MRTFA: variants seen among roughly 807,000 people sequenced by gnomAD.
MRTFA encodes the protein myocardin-related transcription factor A.
A neutral mutation model predicts 83.5 loss-of-function variants in MRTFA; 20 were observed. The ratio of observed to expected loss-of-function variants is 0.24; its 90% CI spans 0.17 to 0.35. The LOEUF is 0.35. Ranked by LOEUF, MRTFA falls within the 10% of genes least tolerant of loss-of-function variation. MRTFA has a pLI of 1.00. For synonymous variants in MRTFA, 659 were observed against 541.2 expected (o/e 1.22, Z -3.02); for missense variants, 1,200 against 1,224.7 (o/e 0.98, Z 0.30).
intron 3 of MRTFA, among the ~76,000 whole-genome samples, chr22:40,533,320 AAAG>A (rs1489214389): frequency 6.6e-6 from 1 of 152,250 alleles, no homozygotes; most frequent in Non-Finnish European, 1.5e-5. Flanking sequence ...ACACTTGATT[AAAG>A]AAGACAAAGA....
chr22:40,427,970 G>A (rs1303513832), intron 7 of MRTFA, among the ~76,000 whole-genome samples: 1 of 152,122 alleles, frequency 6.6e-6, no homozygotes, highest in Admixed American at 6.5e-5. Flanking sequence ...GGAGGGTGAA[G>A]GCCAGGAGAG....
chr22:40,464,616 G>T (rs1051959286), intron 3 of MRTFA, among the ~76,000 whole-genome samples: 1 of 152,000 alleles, frequency 6.6e-6, no homozygotes, highest in Non-Finnish European at 1.5e-5. Context: ...AGGTGTAGGG[G>T]CCTTCCAAGT....
chr22:40,431,307 T>C, intron 6 of MRTFA, 98 bp downstream of exon 6: 1 of 1,164,694 alleles, frequency 8.6e-7, no homozygotes, highest in African/African-American at 1.5e-5. Context: ...CCAACAGAAA[T>C]GGGAGAAGAA....
chr22:40,581,938 A>C (rs962885899), intron 2 of MRTFA, among the ~76,000 whole-genome samples: 1 of 152,200 alleles, frequency 6.6e-6, no homozygotes, highest in African/African-American at 2.4e-5. Flanking sequence ...CACATACTAT[A>C]AAATTCGCCC....
At chr22:40,614,556 C>T (rs1010863096) in intron 1 of MRTFA, among the ~76,000 whole-genome samples, 4 of 152,144 alleles carry the variant, frequency 2.6e-5, no homozygotes, top group Non-Finnish European at 5.9e-5. Context: ...GGCGCGATCT[C>T]GGCTCACTGC....
At chr22:40,476,057 T>C (rs1435922779) in intron 3 of MRTFA, among the ~76,000 whole-genome samples, 2 of 146,764 alleles carry the variant, frequency 1.4e-5, no homozygotes, top group African/African-American at 5.0e-5. Flanking sequence ...GGCAGAAGAA[T>C]GGCATGAACC....
intron 3 of MRTFA, among the ~76,000 whole-genome samples, chr22:40,509,668 C>G (rs1314335207): frequency 6.6e-6 from 1 of 152,108 alleles, no homozygotes; most frequent in Non-Finnish European, 1.5e-5. Context: ...TTCAAAATAC[C>G]TAAGTTTATC....
chr22:40,460,399 T>C (rs1051579553), intron 4 of MRTFA, among the ~76,000 whole-genome samples: 1 of 152,238 alleles, frequency 6.6e-6, no homozygotes, highest in East Asian at 1.9e-4. Context: ...CTACAGGTCC[T>C]GAGAAGTAGC....
chr22:40,586,801 C>G, intron 2 of MRTFA: 1 of 367,820 alleles, frequency 2.7e-6, no homozygotes, highest in Non-Finnish European at 5.3e-6. Flanking sequence ...GTTTCTCCTG[C>G]TTAAAAACAA....
At chr22:40,446,503 C>T (rs1291219377) in intron 4 of MRTFA, among the ~76,000 whole-genome samples, 2 of 152,182 alleles carry the variant, frequency 1.3e-5, no homozygotes, top group South Asian at 2.1e-4. Flanking sequence ...AGAGAGCCCA[C>T]CCAGCACAGG....
chr22:40,453,324 G>C (rs555723849), intron 4 of MRTFA, among the ~76,000 whole-genome samples: 3 of 152,164 alleles, frequency 2.0e-5, no homozygotes, highest in Admixed American at 6.5e-5. Flanking sequence ...ATAAGGAAAC[G>C]ATCACCAAAT....
intron 2 of MRTFA, among the ~76,000 whole-genome samples, chr22:40,556,875 T>C (rs942583944): frequency 2.0e-5 from 3 of 152,224 alleles, no homozygotes; most frequent in Non-Finnish European, 4.4e-5. Context: ...TTCAACTTTA[T>C]GACATTCAAG....
At chr22:40,429,316 T>C (rs1045945514) in intron 7 of MRTFA, 8 of 612,280 alleles carry the variant, frequency 1.3e-5, no homozygotes, top group Non-Finnish European at 2.3e-5. Flanking sequence ...CTATCTACTC[T>C]GTGAAAGAGG....
chr22:40,625,189 A>G (rs2056567114), intron 1 of MRTFA, among the ~76,000 whole-genome samples: 1 of 152,144 alleles, frequency 6.6e-6, no homozygotes, highest in African/African-American at 2.4e-5. Context: ...ATGAATCTAT[A>G]AAATAGAATA....
At chr22:40,588,691 T>C (rs1012498299) in intron 2 of MRTFA, among the ~76,000 whole-genome samples, 2 of 152,166 alleles carry the variant, frequency 1.3e-5, no homozygotes, top group African/African-American at 2.4e-5. Context: ...ATTAAGATCA[T>C]ATAGTCTGGG....
rs1206489927 is a variant in MRTFA, at chr22:40,636,691, C to G, written c.-297G>C. On this transcript the variant is annotated 5_prime_UTR_variant, in exon 1 of 15. Transcript: ENST00000355630. The stretch of plus-strand genomic sequence containing the variant: ...CCACCACAGACACTGCCGCCGCCGG[C>G]TCCTCTCAGCCACGGAAGCTGCGGG... The G allele has an allele frequency of 6.6e-6, 1 of 152,374 alleles. No individual in the cohort carries two copies. The highest frequency in any genetic ancestry group is 1.5e-5 in the Non-Finnish European group (1 of 68,180). 9.4% of individuals were successfully genotyped at this position (152,374 alleles called of 1,614,324 possible).
intron 4 of MRTFA, among the ~76,000 whole-genome samples, chr22:40,459,173 T>C (rs1301033942): frequency 1.4e-5 from 2 of 143,214 alleles, no homozygotes; most frequent in East Asian, 4.1e-4. Context: ...ATGTTGGAGA[T>C]TACAAAAGGA....
At chr22:40,633,734 TTTA>T (rs888239737) in intron 1 of MRTFA, among the ~76,000 whole-genome samples, 1 of 152,008 alleles carries the variant, frequency 6.6e-6, no homozygotes, top group African/African-American at 2.4e-5. Flanking sequence ...ATAAGCTTTA[TTTA>T]TTATATCGCC....
chr22:40,422,742 G>T (rs776678342), intron 9 of MRTFA, among the ~76,000 whole-genome samples: 4 of 152,380 alleles, frequency 2.6e-5, no homozygotes, highest in Non-Finnish European at 4.4e-5. Flanking sequence ...CCCAGAGCTA[G>T]TGGGGCCTAC....
Sources: allele counts gnomAD v4.1 joint callset (sites outside exome capture counted in the v4.1 genomes callset), GRCh38; gene constraint gnomAD v4.1.1; transcripts MANE v1.5; gene names NCBI Gene and HGNC (gene_info 2026-07-23, HGNC 2026-07-21).